The following PCDH11Y variants were observed in gnomAD, a reference collection of about 807,000 sequenced individuals.
PCDH11Y encodes protocadherin 11 Y-linked, also known as protocadherin-11 Y-linked.
For synonymous variants in PCDH11Y, 9 were observed against 83.6 expected (o/e 0.11, Z 4.87); for missense variants, 12 against 224.8 (o/e 0.05, Z 6.05).
intron 4 of PCDH11Y, among the ~76,000 whole-genome samples, chrY:5,676,209 G>C: frequency 3.1e-5 from 1 of 32,326 alleles, no homozygotes; most frequent in East Asian, 8.3e-4. Flanking sequence ...AACTTCCTTA[G>C]CTGTATGTTG....
downstream of PCDH11Y, among the ~76,000 whole-genome samples, chrY:5,108,937 T>C: frequency 3.1e-5 from 1 of 31,861 alleles, no homozygotes; most frequent in African/African-American, 1.2e-4. Context: ...GTTGTAATTG[T>C]GTATCTAGCT....
intron 4 of PCDH11Y, among the ~76,000 whole-genome samples, chrY:5,593,241 T>A: frequency 3.0e-5 from 1 of 33,020 alleles, no homozygotes; most frequent in African/African-American, 1.2e-4. Flanking sequence ...TCTGACTGTA[T>A]TATTTTAGAA....
Position 5,624,398 on chromosome Y carries a change from CT to C in PCDH11Y, c.3352+42618del, listed in dbSNP as rs1388918979. ...TTTAGTTTAATTAAGTCACACTTGT[CT>C]TTTTTTTTTTTTTTTTTGGCAATTG... On this transcript the variant is annotated intron_variant, in intron 4 of 4. Transcript: ENST00000400457. Among the ~76,000 whole-genome samples the C allele has an allele frequency of 7.9e-4, 7 of 8,900 alleles. No homozygotes were observed. In the South Asian group the frequency reaches 0.012, roughly 15 times the overall value. The allele number at this position is 8,900 out of a possible 37,273, so 23.9% of individuals were successfully genotyped here. A position where few individuals can be genotyped will look rare whatever the true frequency, so the allele number is the denominator to read the frequency against.
At chrY:5,006,977 C>A in intron 1 of PCDH11Y, among the ~76,000 whole-genome samples, 2 of 33,366 alleles carry the variant, frequency 6.0e-5, no homozygotes, top group Non-Finnish European at 1.5e-4. Flanking sequence ...GTGAAACTGT[C>A]TTTTGATATT....
intron 2 of PCDH11Y, among the ~76,000 whole-genome samples, chrY:5,271,755 T>C: frequency 3.3e-5 from 1 of 30,104 alleles, no homozygotes; most frequent in South Asian, 7.7e-4. Context: ...TTGCATAATA[T>C]ATTAATGTGA....
chrY:5,676,476 A>C, intron 4 of PCDH11Y, among the ~76,000 whole-genome samples: 2 of 32,586 alleles, frequency 6.1e-5, no homozygotes, highest in Non-Finnish European at 1.5e-4. Context: ...TCCCCCAGAA[A>C]ATGAAATGGA....
intron 4 of PCDH11Y, among the ~76,000 whole-genome samples, chrY:5,620,084 C>T (rs2124702082): frequency 3.2e-5 from 1 of 30,935 alleles, no homozygotes; most frequent in South Asian, 7.4e-4. Flanking sequence ...ATGTGAAAAA[C>T]GCTTTTAAAA....
intron 4 of PCDH11Y, among the ~76,000 whole-genome samples, chrY:5,627,221 C>T (rs2053507960): frequency 3.2e-5 from 1 of 31,273 alleles, no homozygotes; most frequent in Non-Finnish European, 7.7e-5. Context: ...TCTCAAGCTC[C>T]TGGCCTCAAG....
chrY:5,045,766 G>C, intron 3 of PCDH11Y, among the ~76,000 whole-genome samples: 3 of 32,678 alleles, frequency 9.2e-5, no homozygotes, highest in Admixed American at 5.6e-4. Flanking sequence ...ACGTAGATTT[G>C]GTCTTTTCAC....
chrY:5,268,474 C>G, intron 2 of PCDH11Y, among the ~76,000 whole-genome samples: 1 of 31,428 alleles, frequency 3.2e-5, no homozygotes, highest in East Asian at 8.2e-4. Context: ...AAGAGATATT[C>G]CAACTCATTT....
At chrY:5,455,202 G>A in intron 2 of PCDH11Y, among the ~76,000 whole-genome samples, 6 of 33,239 alleles carry the variant, frequency 1.8e-4, no homozygotes, top group Non-Finnish European at 3.7e-4. Flanking sequence ...CCACAGAACC[G>A]TAGGTCATGA....
At chrY:5,149,015 C>T (rs2571767) in intron 2 of PCDH11Y, among the ~76,000 whole-genome samples, 1 of 33,000 alleles carries the variant, frequency 3.0e-5, no homozygotes, top group African/African-American at 1.2e-4. Flanking sequence ...TCTCTCCAAT[C>T]ATTTTTGAAC....
intron 1 of PCDH11Y, among the ~76,000 whole-genome samples, chrY:5,084,823 C>T (rs2052726984): frequency 9.1e-5 from 3 of 33,011 alleles, no homozygotes; most frequent in Non-Finnish European, 7.5e-5. Flanking sequence ...AGTATAGCTA[C>T]ACCTGCTCTT....
intron 2 of PCDH11Y, among the ~76,000 whole-genome samples, chrY:5,174,100 GTA>G (rs2052889896): frequency 1.3e-4 from 2 of 15,000 alleles, no homozygotes; most frequent in African/African-American, 4.9e-4. Flanking sequence ...TATCAATGTG[GTA>G]TATATATATA....
chrY:5,484,567 T>C, intron 2 of PCDH11Y, among the ~76,000 whole-genome samples: 1 of 33,347 alleles, frequency 3.0e-5, no homozygotes, highest in Non-Finnish European at 7.4e-5. Context: ...GAGATAAAAA[T>C]ATGTTTTAGA....
chrY:5,064,748 G>A (rs2052683632), intron 1 of PCDH11Y, among the ~76,000 whole-genome samples: 1 of 24,422 alleles, frequency 4.1e-5, no homozygotes, highest in African/African-American at 1.7e-4. Context: ...TTGCTCTGTC[G>A]CCCAGGCTAG....
intron 3 of PCDH11Y, among the ~76,000 whole-genome samples, chrY:5,528,275 T>C: frequency 6.1e-5 from 2 of 33,055 alleles, no homozygotes; most frequent in Admixed American, 5.5e-4. Flanking sequence ...TTTCAGCTTT[T>C]GTTTTTTTCT....
intron 2 of PCDH11Y, among the ~76,000 whole-genome samples, chrY:5,135,583 G>A: frequency 3.1e-5 from 1 of 32,535 alleles, no homozygotes; most frequent in Non-Finnish European, 7.6e-5. Flanking sequence ...TAACCCCATT[G>A]GCCTGAGAAC....
chrY:5,337,594 AT>A (rs2053139673), intron 2 of PCDH11Y, among the ~76,000 whole-genome samples: 178 of 23,006 alleles, frequency 7.7e-3, no homozygotes, highest in African/African-American at 0.028. Context: ...CTTTTTATCT[AT>A]TTTTTTTTTT....
Sources: gnomAD v4.1 joint callset for allele counts (sites outside exome capture counted in the v4.1 genomes callset) on GRCh38, gnomAD v4.1.1 for gene constraint, MANE v1.5 for transcripts, NCBI Gene and HGNC (gene_info 2026-07-23, HGNC 2026-07-21) for gene names.